The following SYN2 variants were observed in gnomAD, a reference collection of about 807,000 sequenced individuals.
SYN2 encodes the protein synapsin II, also known as synapsin-2.
Under a neutral mutation model 50.9 loss-of-function variants are expected in SYN2, and 19 were observed. The ratio of observed to expected loss-of-function variants is 0.37; its 90% CI spans 0.26 to 0.55. The LOEUF (loss-of-function observed/expected upper bound fraction) is 0.55. Ranked by LOEUF, SYN2 falls within the 20% of genes least tolerant of loss-of-function variation. The probability of loss-of-function intolerance (pLI) is 0.81; values close to 1 mark genes in which losing one functional copy is unlikely to be tolerated. For synonymous variants in SYN2, 255 were observed against 224.9 expected (o/e 1.13, Z -1.20); for missense variants, 587 against 576.4 (o/e 1.02, Z -0.19).
intron 1 of SYN2, among the ~76,000 whole-genome samples, chr3:12,022,902 C>A (rs189675407): frequency 7.3e-6 from 1 of 137,902 alleles, no homozygotes; most frequent in Admixed American, 8.0e-5. Flanking sequence ...AGGTAACATA[C>A]TGGAGATTAT....
intron 1 of SYN2, among the ~76,000 whole-genome samples, chr3:12,133,145 C>A (rs1696828388): frequency 6.6e-6 from 1 of 152,214 alleles, no homozygotes; most frequent in Non-Finnish European, 1.5e-5. Context: ...AACTAAGACA[C>A]CATGCAGCTT....
At chr3:12,038,289 TATATC>T (rs1188065555) in intron 1 of SYN2, among the ~76,000 whole-genome samples, 1 of 152,228 alleles carries the variant, frequency 6.6e-6, no homozygotes, top group Non-Finnish European at 1.5e-5. Context: ...TATTTGTTCT[TATATC>T]AATATCATAT....
intron 1 of SYN2, among the ~76,000 whole-genome samples, chr3:12,103,317 T>TA (rs1260607506): frequency 6.6e-6 from 1 of 152,064 alleles, no homozygotes; most frequent in African/African-American, 2.4e-5. Flanking sequence ...ATCTAAGATG[T>TA]AAAAAAGAAA....
rs559928910 is a variant in SYN2, at chr3:12,112,697, G to T, written c.378-27954G>T. Reference sequence around the variant, plus strand: ...AAAGAGGAGAAAGTATTCAACCAAGGTCATAGCAAATTAATAGTGATTGGC... The same window carrying T: ...AAAGAGGAGAAAGTATTCAACCAAGTTCATAGCAAATTAATAGTGATTGGC... On this transcript the variant is annotated intron_variant, in intron 1 of 12. Transcript: ENST00000621198. Among the ~76,000 whole-genome samples the T allele has an allele frequency of 1.7e-3, 257 of 152,178 alleles. 1 individual carries two copies. Among genetic ancestry groups the T allele is most frequent in the African/African-American group, 5.9e-3 (246 of 41,528 alleles).
intron 1 of SYN2, among the ~76,000 whole-genome samples, chr3:12,109,478 G>T: frequency 6.6e-6 from 1 of 152,094 alleles, no homozygotes; most frequent in South Asian, 2.1e-4. Context: ...TGTTTGAAAT[G>T]GTTATACTAG....
rs146556754 is a variant in SYN2, at chr3:12,097,372, C to G, written c.378-43279C>G. 2.4e-4 allele frequency among the ~76,000 whole-genome samples: 37 copies of G among 151,924 alleles called. 1 individual carries two copies. In the East Asian group the frequency reaches 6.8e-3, roughly 28 times the overall value. On this transcript the variant is annotated intron_variant, in intron 1 of 12. Coordinates refer to ENST00000621198, the MANE Select transcript of SYN2 (RefSeq NM_133625.6). ...TTGTAATCCCAGCACTTTGGGAGGC[C>G]AAGATGGGTGGATAACGAGGTCAGG... is the stretch of plus-strand genomic sequence containing the variant.
chr3:12,185,010 G>C, intron 11 of SYN2: 1 of 985,844 alleles, frequency 1.0e-6, no homozygotes, highest in South Asian at 4.7e-5. Flanking sequence ...TACGTATCCA[G>C]GGGCTTGTGC....
At chr3:12,113,317 A>G (rs1437853731) in intron 1 of SYN2, among the ~76,000 whole-genome samples, 1 of 152,174 alleles carries the variant, frequency 6.6e-6, no homozygotes. Flanking sequence ...TATGTTATAT[A>G]TGATTTACAT....
intron 10 of SYN2, among the ~76,000 whole-genome samples, chr3:12,178,051 A>G (rs1698124544): frequency 6.6e-6 from 1 of 152,198 alleles, no homozygotes; most frequent in Non-Finnish European, 1.5e-5. Flanking sequence ...AGGTGCCTCA[A>G]AACATGCGGT....
chr3:12,075,123 G>A (rs1321924824), intron 1 of SYN2, among the ~76,000 whole-genome samples: 1 of 152,014 alleles, frequency 6.6e-6, no homozygotes, highest in Non-Finnish European at 1.5e-5. Context: ...AATATTAGTG[G>A]TTTTTCAACT....
chr3:12,104,570 CTTTTT>C (rs796837275), intron 1 of SYN2, among the ~76,000 whole-genome samples: 3 of 81,716 alleles, frequency 3.7e-5, no homozygotes, highest in African/African-American at 1.0e-4. Flanking sequence ...CTTTTCTTTT[CTTTTT>C]TTTTTTTTTT....
chr3:12,059,629 A>G (rs1559403652), intron 1 of SYN2, among the ~76,000 whole-genome samples: 1 of 152,112 alleles, frequency 6.6e-6, no homozygotes, highest in Non-Finnish European at 1.5e-5. Flanking sequence ...TGTTATCTTT[A>G]GCTTCTACAG....
chr3:12,112,935 G>T (rs913627489), intron 1 of SYN2, among the ~76,000 whole-genome samples: 6 of 152,296 alleles, frequency 3.9e-5, no homozygotes, highest in Non-Finnish European at 5.9e-5. Flanking sequence ...GGGCTGTAAA[G>T]ACCAGGGAAT....
intron 1 of SYN2, among the ~76,000 whole-genome samples, chr3:12,042,299 A>G (rs1051459651): frequency 2.0e-5 from 3 of 152,194 alleles, no homozygotes; most frequent in African/African-American, 7.2e-5. Context: ...TGATACTTCT[A>G]TTTAAAGTTG....
At chr3:12,121,103 T>C (rs2125202514) in intron 1 of SYN2, among the ~76,000 whole-genome samples, 1 of 152,340 alleles carries the variant, frequency 6.6e-6, no homozygotes, top group East Asian at 1.9e-4. Flanking sequence ...TCTCCTAACC[T>C]TTACTTCACT....
chr3:12,016,060 A>G (rs1029889612), intron 1 of SYN2, among the ~76,000 whole-genome samples: 8 of 152,194 alleles, frequency 5.3e-5, no homozygotes, highest in Admixed American at 6.5e-5. Flanking sequence ...GCCCTCAATA[A>G]CACAACTGAA....
At chr3:12,068,477 A>G (rs77388332) in intron 1 of SYN2, among the ~76,000 whole-genome samples, 2 of 152,104 alleles carry the variant, frequency 1.3e-5, no homozygotes, top group East Asian at 1.9e-4. Flanking sequence ...GTGAGAATCT[A>G]TTTGCATTTG....
At chr3:12,143,983 G>C (rs759386029) in intron 3 of SYN2, among the ~76,000 whole-genome samples, 4 of 152,214 alleles carry the variant, frequency 2.6e-5, no homozygotes, top group Non-Finnish European at 4.4e-5. Context: ...CTCAGCCTGG[G>C]TGCAGCTGGG....
At chr3:12,107,328 A>C (rs1006362187) in intron 1 of SYN2, among the ~76,000 whole-genome samples, 3 of 152,164 alleles carry the variant, frequency 2.0e-5, no homozygotes, top group African/African-American at 7.2e-5. Context: ...TCTAATGCTA[A>C]TGTTTTTCTT....
Sources: allele counts gnomAD v4.1 joint callset (sites outside exome capture counted in the v4.1 genomes callset), GRCh38; gene constraint gnomAD v4.1.1; transcripts MANE v1.5; gene names NCBI Gene and HGNC (gene_info 2026-07-23, HGNC 2026-07-21).